The following DAB1 variants were observed in gnomAD, a reference collection of about 807,000 sequenced individuals.
DAB1 encodes disabled homolog 1.
DAB1 carries 15 observed loss-of-function variants against 64.6 expected under a neutral mutation model. The observed-to-expected ratio is 0.23, with a 90% CI of 0.16 to 0.36. The LOEUF (loss-of-function observed/expected upper bound fraction) is 0.36. DAB1 is among the 10% of genes least tolerant of loss of function. The pLI is 1.00. For synonymous variants in DAB1, 235 were observed against 251.9 expected (o/e 0.93, Z 0.64); for missense variants, 596 against 706.7 (o/e 0.84, Z 1.78).
At chr1:57,449,170 A>C (rs1686257770) in intron 7 of DAB1, among the ~76,000 whole-genome samples, 1 of 152,176 alleles carries the variant, frequency 6.6e-6, no homozygotes, top group Admixed American at 6.5e-5. Flanking sequence ...CCACACTTCA[A>C]AGGAGAAATG....
chr1:58,345,852 T>C (rs966755862), intron 3 of DAB1, among the ~76,000 whole-genome samples: 2 of 152,180 alleles, frequency 1.3e-5, no homozygotes, highest in Admixed American at 6.5e-5. Context: ...GTTTCACCTC[T>C]GACCTTAGGC....
intron 5 of DAB1, among the ~76,000 whole-genome samples, chr1:58,085,608 T>TC (rs1199578794): frequency 6.6e-6 from 1 of 151,636 alleles, no homozygotes; most frequent in East Asian, 2.0e-4. Context: ...ACTCAAGCAA[T>TC]CCCCCCATCT....
chr1:58,374,837 G>A (rs994919818), intron 3 of DAB1, among the ~76,000 whole-genome samples: 20 of 137,274 alleles, frequency 1.5e-4, no homozygotes, highest in Non-Finnish European at 2.4e-4. Context: ...CCATTTGTTT[G>A]TATCCTCTTT....
At chr1:57,447,473 T>C (rs1686185175) in intron 7 of DAB1, among the ~76,000 whole-genome samples, 1 of 152,228 alleles carries the variant, frequency 6.6e-6, no homozygotes, top group South Asian at 2.1e-4. Context: ...GGTACCTTTA[T>C]TTCTGCTCAC....
chr1:58,344,880 T>TATTATTA (rs3055512), intron 3 of DAB1, among the ~76,000 whole-genome samples: 4 of 2,178 alleles, frequency 1.8e-3, no homozygotes, highest in African/African-American at 0.011. Context: ...ATACTCAAAA[T>TATTATTA]ATTATTCTCT....
chr1:57,033,447 G>C, intron 9 of DAB1: 1 of 1,612,858 alleles, frequency 6.2e-7, no homozygotes, highest in Non-Finnish European at 8.5e-7. Flanking sequence ...TAACCACAAG[G>C]CATGACTGAT....
intron 4 of DAB1, among the ~76,000 whole-genome samples, chr1:58,302,820 C>G (rs1662205142): frequency 6.6e-6 from 1 of 152,072 alleles, no homozygotes; most frequent in Non-Finnish European, 1.5e-5. Flanking sequence ...ATTTTCATTA[C>G]TATTTTTTTA....
chr1:58,379,206 C>A lies in DAB1; in HGVS notation n.258-35803G>T, dbSNP rs185328987. Among the ~76,000 whole-genome samples the A allele has an allele frequency of 5.5e-4, 84 of 152,098 alleles. 1 individual carries two copies. Among genetic ancestry groups the A allele is most frequent in the East Asian group, 7.7e-4 (4 of 5,162 alleles). On this transcript the variant is annotated intron_variant and non_coding_transcript_variant, in intron 3 of 20. Coordinates refer to the DAB1 transcript ENST00000485760. ...TATTCGGCCATCTTGGCTCCTCCCC[C>A]CCAGCTTACTATTTTCTTCCATGGC...
chr1:57,352,094 A>G (rs570985530), intron 1 of DAB1, among the ~76,000 whole-genome samples: 77 of 152,164 alleles, frequency 5.1e-4, no homozygotes, highest in Non-Finnish European at 9.1e-4. Flanking sequence ...GAAAACATAT[A>G]CCTGGCTGAC....
At chr1:58,075,701 G>A (rs1325060381) in intron 5 of DAB1, among the ~76,000 whole-genome samples, 1 of 152,064 alleles carries the variant, frequency 6.6e-6, no homozygotes, top group Non-Finnish European at 1.5e-5. Context: ...AATGCAGCTG[G>A]GCTTCAAGAA....
At chr1:57,514,776 C>T (rs149570700) in intron 7 of DAB1, among the ~76,000 whole-genome samples, 1 of 152,280 alleles carries the variant, frequency 6.6e-6, no homozygotes, top group African/African-American at 2.4e-5. Context: ...CAAATGCTAG[C>T]CTCTCCCCTT....
chr1:57,281,918 G>T (rs567433792), intron 2 of DAB1, among the ~76,000 whole-genome samples: 1 of 152,034 alleles, frequency 6.6e-6, no homozygotes, highest in South Asian at 2.1e-4. Context: ...TAACCAAAAG[G>T]TGACTGTAAT....
intron 6 of DAB1, among the ~76,000 whole-genome samples, chr1:57,779,918 G>A (rs1476920743): frequency 2.0e-5 from 3 of 152,078 alleles, no homozygotes; most frequent in African/African-American, 7.2e-5. Context: ...GGCCACCAAA[G>A]CCATTTTCTA....
At chr1:58,425,469 T>C (rs956637015) in intron 3 of DAB1, among the ~76,000 whole-genome samples, 2 of 152,228 alleles carry the variant, frequency 1.3e-5, no homozygotes, top group East Asian at 1.9e-4. Context: ...TAGAGTTTTA[T>C]GGGGTCTGAA....
chr1:57,649,598 G>A (rs966421559), exon 7 of DAB1: 6 of 152,180 alleles, frequency 3.9e-5, no homozygotes, highest in Admixed American at 2.6e-4. Flanking sequence ...TTACCTTTGT[G>A]TTGTACAAAA....
chr1:58,166,838 C>T (rs1655865185), intron 4 of DAB1, among the ~76,000 whole-genome samples: 1 of 148,682 alleles, frequency 6.7e-6, no homozygotes, highest in Admixed American at 6.7e-5. Context: ...CTCCGCCCCC[C>T]AGGTTCAAGT....
chr1:57,802,670 G>A (rs1651186231), intron 6 of DAB1, among the ~76,000 whole-genome samples: 1 of 151,988 alleles, frequency 6.6e-6, no homozygotes, highest in African/African-American at 2.4e-5. Context: ...CATGAGATCT[G>A]GTTGTTTAAA....
chr1:57,317,980 G>A (rs958303186), intron 1 of DAB1, among the ~76,000 whole-genome samples: 8 of 152,010 alleles, frequency 5.3e-5, no homozygotes, highest in Non-Finnish European at 1.0e-4. Context: ...TGGACTATGC[G>A]TTTGTAAATT....
At chr1:57,781,882 G>A (rs1039477746) in intron 6 of DAB1, among the ~76,000 whole-genome samples, 5 of 151,992 alleles carry the variant, frequency 3.3e-5, no homozygotes, top group Admixed American at 1.3e-4. Flanking sequence ...TTCAAGGTAC[G>A]GTTTTCCTTA....
Sources: gnomAD v4.1 joint callset for allele counts (sites outside exome capture counted in the v4.1 genomes callset) on GRCh38, gnomAD v4.1.1 for gene constraint, MANE v1.5 for transcripts, NCBI Gene and HGNC (gene_info 2026-07-23, HGNC 2026-07-21) for gene names.